Variants in CSNK2A1 observed in about 807,000 individuals in gnomAD.
The protein encoded by CSNK2A1 is casein kinase II subunit alpha.
A neutral mutation model predicts 62.9 loss-of-function variants in CSNK2A1; 10 were observed. The ratio of observed to expected loss-of-function variants is 0.16; its 90% confidence interval spans 0.10 to 0.27. CSNK2A1 has a LOEUF of 0.27. CSNK2A1 is among the 10% of genes least tolerant of loss of function. The pLI is 1.00. For synonymous variants in CSNK2A1, 124 were observed against 167.8 expected (o/e 0.74, Z 2.02); for missense variants, 160 against 492.0 (o/e 0.33, Z 6.38).
intron 2 of CSNK2A1, chr20:526,977 GAGAGAGAA>G (rs2019104553): frequency 4.3e-5 from 6 of 140,160 alleles, no homozygotes; most frequent in Non-Finnish European, 7.6e-5. Flanking sequence ...ATGAGAGAGA[GAGAGAGAA>G]AGAGAGAGAG....
At position 500,062 on chromosome 20, in the gene CSNK2A1, T is replaced by C. The variant is rs539456970; in HGVS notation, c.214-128A>G. 7.4e-6 allele frequency: 5 copies of C among 679,628 alleles called. No homozygotes were observed. The East Asian group carries it at 1.3e-4, about 18-fold the overall frequency. The allele number at this position is 679,628 out of a possible 1,614,324, so 42.1% of individuals were successfully genotyped here. On this transcript the variant is annotated intron_variant, in intron 4 of 13. Transcript: ENST00000217244. ...GCACACCTTGAAGGAAGAAAATGTG[T>C]CACATTCGTCTCTGAATCCTTCTCC... is the stretch of plus-strand genomic sequence containing the variant.
chr20:523,900 G>T (rs1470774931), intron 2 of CSNK2A1, among the ~76,000 whole-genome samples: 2 of 142,126 alleles, frequency 1.4e-5, no homozygotes, highest in Non-Finnish European at 3.0e-5. Flanking sequence ...ACTCAGAACA[G>T]AACAGTGGTT....
Position 477,884 on chromosome 20 carries a change from A to C in CSNK2A1, c.*6077T>G, listed in dbSNP as rs931959172. 1 of 152,166 alleles carries C rather than the reference A, an allele frequency of 6.6e-6. No homozygotes were observed. The highest frequency in any genetic ancestry group is 2.4e-5 in the African/African-American group (1 of 41,380). The allele number at this position is 152,166 out of a possible 1,614,324, so 9.4% of individuals were successfully genotyped here. A position where few individuals can be genotyped will look rare whatever the true frequency, so the allele number is the denominator to read the frequency against. On this transcript the variant is annotated 3_prime_UTR_variant, in exon 14 of 14. Coordinates refer to ENST00000217244, the MANE Select transcript of CSNK2A1 (RefSeq NM_177559.3). ...TGCATGTAATCCCATGCCTGTCTCA[A>C]AAACAAAACAAACAAACAAAACAAA...
Position 497,715 on chromosome 20 carries a change from A to C in CSNK2A1, c.426+6T>G. ...AAAAAATATTTAGTATTCAAGGTTC[A>C]CTTACCTTCAGAATCTCATACATGT... On this transcript the variant is annotated splice_donor_region_variant and intron_variant, in intron 7 of 13. Transcript: ENST00000217244. 3 of 1,604,490 alleles carry C rather than the reference A, an allele frequency of 1.9e-6. No homozygotes were observed. The highest frequency in any genetic ancestry group is 2.6e-6 in the Non-Finnish European group (3 of 1,172,442).
In CSNK2A1 at chr20:505,404, G is replaced by GGCT. The variant is rs564061514; in HGVS notation, c.102-178_102-176dup. The stretch of plus-strand genomic sequence containing the variant: ...AGATGGAGTCTCACTCTGTCGCCCA[G>GGCT]GCTAGAGTGCAGTGGCGCGATCTCT... On this transcript the variant is annotated intron_variant, in intron 3 of 13. Coordinates refer to ENST00000217244, the MANE Select transcript of CSNK2A1 (RefSeq NM_177559.3). Among the ~76,000 whole-genome samples, 483 of 127,978 alleles carry GGCT rather than the reference G, an allele frequency of 3.8e-3. 2 individuals are homozygous for GGCT. Among genetic ancestry groups the GGCT allele is most frequent in the Non-Finnish European group, 5.5e-3 (359 of 64,762 alleles). 84.0% of individuals were successfully genotyped at this position (127,978 alleles called of 152,430 possible).
At chr20:485,087 AAAAAAAAAAAAAAAAAAAAAAAATATAT>A (rs1218571088) in intron 13 of CSNK2A1, among the ~76,000 whole-genome samples, 1 of 34,784 alleles carries the variant, frequency 2.9e-5, no homozygotes, top group African/African-American at 9.9e-5. Flanking sequence ...AAAAAAAAAA[AAAAAAAAAAAAAAAAAAAAAAAATATAT>A]ATATATATAT....
intron 2 of CSNK2A1, among the ~76,000 whole-genome samples, chr20:522,727 C>T (rs996813427): frequency 4.6e-5 from 7 of 152,130 alleles, no homozygotes; most frequent in Non-Finnish European, 7.4e-5. Context: ...GATGGGGTCT[C>T]ACTTTGTCAC....
intron 1 of CSNK2A1, among the ~76,000 whole-genome samples, chr20:536,327 A>C (rs2019323694): frequency 6.6e-6 from 1 of 152,230 alleles, no homozygotes; most frequent in Non-Finnish European, 1.5e-5. Flanking sequence ...CCGAAAGGGA[A>C]GGGAAAGAAC....
intron 9 of CSNK2A1, among the ~76,000 whole-genome samples, chr20:490,501 T>G: frequency 6.8e-6 from 1 of 146,344 alleles, no homozygotes; most frequent in African/African-American, 2.6e-5. Flanking sequence ...GCTTCCCAGG[T>G]TCAAGCAATT....
intron 9 of CSNK2A1, among the ~76,000 whole-genome samples, chr20:491,022 T>C (rs184337201): frequency 5.3e-4 from 81 of 152,276 alleles, no homozygotes; most frequent in Admixed American, 3.1e-3. Context: ...CAGTGTTCTG[T>C]TTTTCACAAT....
chr20:533,782 A>G (rs1049864927), intron 1 of CSNK2A1, among the ~76,000 whole-genome samples: 4 of 152,210 alleles, frequency 2.6e-5, no homozygotes, highest in Admixed American at 6.5e-5. Context: ...GACATAAATG[A>G]CATAGCAACA....
intron 2 of CSNK2A1, among the ~76,000 whole-genome samples, chr20:511,277 C>G (rs752468953): frequency 4.6e-5 from 7 of 152,002 alleles, no homozygotes; most frequent in Non-Finnish European, 1.0e-4. Flanking sequence ...GAAGTCGAGG[C>G]TACAGTGAGC....
intron 2 of CSNK2A1, among the ~76,000 whole-genome samples, chr20:522,149 G>A (rs73571006): frequency 0.073 from 11,134 of 152,288 alleles, 453 homozygotes; most frequent in South Asian, 0.13. Flanking sequence ...AGGAATCTAG[G>A]AGGTGGAGCT....
intron 3 of CSNK2A1, 145 bp from the exon 4 acceptor site, chr20:505,374 T>C (rs1372236425): frequency 3.0e-6 from 2 of 662,454 alleles, no homozygotes; most frequent in African/African-American, 1.9e-5. Flanking sequence ...TTTTTTTTTT[T>C]TTGGAGATGG....
intron 2 of CSNK2A1, among the ~76,000 whole-genome samples, chr20:516,104 G>T (rs1232616830): frequency 1.3e-5 from 2 of 152,210 alleles, no homozygotes; most frequent in East Asian, 3.8e-4. Flanking sequence ...ATATTTGGAA[G>T]ATCAATTCTC....
At chr20:488,539 T>A in intron 11 of CSNK2A1, 139 bp downstream of exon 11, 2 of 798,406 alleles carry the variant, frequency 2.5e-6, no homozygotes, top group Non-Finnish European at 4.1e-6. Flanking sequence ...GCCTGCTCAA[T>A]GCAGCATCCT....
chr20:485,093 AAAAAAAAAAAAAAAAAATAT>A (rs2018052605), intron 13 of CSNK2A1, among the ~76,000 whole-genome samples: 1 of 37,806 alleles, frequency 2.6e-5, no homozygotes, highest in Non-Finnish European at 5.2e-5. Flanking sequence ...AAAAAAAAAA[AAAAAAAAAAAAAAAAAATAT>A]ATATATATAT....
In CSNK2A1 at chr20:508,630, A is replaced by G; in HGVS notation, c.-79T>C. On this transcript the variant is annotated 5_prime_UTR_variant, in exon 3 of 14. Transcript: ENST00000217244. The stretch of plus-strand genomic sequence containing the variant: ...ACTGTGTTCAGAAGCAGCTGGGGGT[A>G]AGACCTTGTTTCAGACCTGTTTTCT... 6.9e-7 allele frequency: 1 copy of G among 1,451,524 alleles called. No individual in the cohort carries two copies. The highest frequency in any genetic ancestry group is 9.5e-7 in the Non-Finnish European group (1 of 1,051,042). 89.9% of individuals were successfully genotyped at this position (1,451,524 alleles called of 1,614,324 possible).
rs941740436 is a variant in CSNK2A1, at chr20:476,235, G to C, written c.*7726C>G. The C allele has an allele frequency of 3.3e-5, 5 of 152,442 alleles. No individual in the cohort carries two copies. The highest frequency in any genetic ancestry group is 7.3e-5 in the Non-Finnish European group (5 of 68,300). The allele number at this position is 152,442 out of a possible 1,614,324, so 9.4% of individuals were successfully genotyped here. On this transcript the variant is annotated 3_prime_UTR_variant, in exon 14 of 14. Coordinates refer to ENST00000217244, the MANE Select transcript of CSNK2A1 (RefSeq NM_177559.3). ...TCATGGACCATTCTCTCTTCTCCAAGACTTCAAGATTCCTTCCTAGTGAGT... is the reference window on the plus strand; with the variant it reads ...TCATGGACCATTCTCTCTTCTCCAACACTTCAAGATTCCTTCCTAGTGAGT...
Sources: gnomAD v4.1 joint callset for allele counts (sites outside exome capture counted in the v4.1 genomes callset) on GRCh38, gnomAD v4.1.1 for gene constraint, MANE v1.5 for transcripts, NCBI Gene and HGNC (gene_info 2026-07-23, HGNC 2026-07-21) for gene names.